The following IRS1 variants were observed in gnomAD, a reference collection of about 807,000 sequenced individuals.
IRS1 encodes insulin receptor substrate 1.
IRS1 carries 34 observed loss-of-function variants against 65.6 expected under a neutral mutation model. The observed-to-expected ratio is 0.52, with a 90% CI of 0.39 to 0.69. The LOEUF (loss-of-function observed/expected upper bound fraction) is 0.69, where lower values mean the gene tolerates loss of function less well. IRS1 is among the 30% of genes least tolerant of loss of function. The pLI is 0.00. For missense variants in IRS1, 1,641 were observed against 1,720.2 expected (o/e 0.95, Z 0.81); for synonymous variants, 699 against 683.5 (o/e 1.02, Z -0.35).
rs1360746754 is a variant in IRS1, at chr2:226,796,450, G to C, written c.2289C>G (p.Ser763=). Residue 763 remains serine, a synonymous_variant, in exon 1 of 2, where the codon TCC becomes TCG. Coordinates refer to ENST00000305123, the MANE Select transcript of IRS1 (RefSeq NM_005544.3). ...TAAAGGATCTTGGCAATGAGTAGTAGGAGAGGACTGGCTTGTGCTGGGGGT... is the reference window on the plus strand; with the variant it reads ...TAAAGGATCTTGGCAATGAGTAGTACGAGAGGACTGGCTTGTGCTGGGGGT... ...PEDPQHKPVL[S]YYSLPRSFKH... 2 of 1,613,838 alleles carry C rather than the reference G, an allele frequency of 1.2e-6. No homozygotes were observed. Among genetic ancestry groups the C allele is most frequent in the South Asian group, 2.2e-5 (2 of 91,090 alleles).
At chr2:226,759,317 G>A (rs185021493) in intron 1 of IRS1, among the ~76,000 whole-genome samples, 77 of 152,326 alleles carry the variant, frequency 5.1e-4, no homozygotes, top group Admixed American at 4.6e-3. Context: ...AATGTTTACA[G>A]AGGTTTGCAG....
chr2:226,742,987 CTTCTGTTATTTCCCA>C (rs937951175), intron 1 of IRS1, among the ~76,000 whole-genome samples: 4 of 152,162 alleles, frequency 2.6e-5, no homozygotes, highest in Admixed American at 2.6e-4. Context: ...AGAATATCCA[CTTCTGTTATTTCCCA>C]TTCTTTTTAT....
chr2:226,787,265 G>T (rs78087608), intron 1 of IRS1, among the ~76,000 whole-genome samples: 46 of 152,234 alleles, frequency 3.0e-4, no homozygotes, highest in African/African-American at 1.1e-3. Flanking sequence ...TTCCAAATGA[G>T]AGTTCCTTCC....
At chr2:226,743,730 T>C (rs1411688112) in intron 1 of IRS1, among the ~76,000 whole-genome samples, 2 of 152,220 alleles carry the variant, frequency 1.3e-5, no homozygotes, top group Admixed American at 1.3e-4. Flanking sequence ...TAATTTCACA[T>C]CACTTTTGGG....
chr2:226,795,487 A>C lies in IRS1; in HGVS notation c.3252T>G (p.Ser1084Arg). The change falls in exon 1 of 2, where the codon AGT becomes AGG. Residue 1084 changes from serine to arginine, a missense_variant. By Grantham distance (110) the Ser-to-Arg change is moderately radical. Coordinates refer to ENST00000305123, the MANE Select transcript of IRS1 (RefSeq NM_005544.3). ...RVNLSPNRNQ[S>R]AKVIRADPQG... ...GTGGGTCTGCACGGATCACTTTGGC[A>C]CTCTGGTTGCGGTTAGGACTGAGGT... The C allele has an allele frequency of 6.2e-7, 1 of 1,613,052 alleles. No individual in the cohort carries two copies. The highest frequency in any genetic ancestry group is 8.5e-7 in the Non-Finnish European group (1 of 1,179,896).
At position 226,731,417 on chromosome 2, in the gene IRS1, C is replaced by G. The variant is rs1938218922; in HGVS notation, c.*4855G>C. The G allele has an allele frequency of 6.6e-6, 1 of 151,954 alleles. No individual in the cohort carries two copies. Among genetic ancestry groups the G allele is most frequent in the Non-Finnish European group, 1.5e-5 (1 of 68,008 alleles). The allele number at this position is 151,954 out of a possible 1,614,324, so 9.4% of individuals were successfully genotyped here. Reference sequence around the variant, plus strand: ...TCCATGAATTCATTTAGACAGTTTTCTTTAATTGATGATGAAGACACTACA... The same window carrying G: ...TCCATGAATTCATTTAGACAGTTTTGTTTAATTGATGATGAAGACACTACA... On this transcript the variant is annotated 3_prime_UTR_variant, in exon 2 of 2. Coordinates refer to ENST00000305123, the MANE Select transcript of IRS1 (RefSeq NM_005544.3).
At position 226,733,730 on chromosome 2, in the gene IRS1, G is replaced by C. The variant is rs780461439; in HGVS notation, c.*2542C>G. 6.6e-6 allele frequency: 1 copy of C among 152,126 alleles called. No homozygotes were observed. Among genetic ancestry groups the C allele is most frequent in the Non-Finnish European group, 1.5e-5 (1 of 68,026 alleles). The allele number at this position is 152,126 out of a possible 1,614,324, so 9.4% of individuals were successfully genotyped here. A position where few individuals can be genotyped will look rare whatever the true frequency, so the allele number is the denominator to read the frequency against. ...TGAACACAAGGACTCAGCAGCTGAC[G>C]TTGCTCAAAGGAAACCCTTCGTGTC... On this transcript the variant is annotated 3_prime_UTR_variant, in exon 2 of 2. Transcript: ENST00000305123.
Position 226,795,180 on chromosome 2 carries a change from C to T in IRS1, c.3559G>A (p.Asp1187Asn). 1.2e-6 allele frequency: 2 copies of T among 1,613,882 alleles called. No individual in the cohort carries two copies. Among genetic ancestry groups the T allele is most frequent in the Non-Finnish European group, 1.7e-6 (2 of 1,180,000 alleles). The change falls in exon 1 of 2, where the codon GAC becomes AAC. Residue 1187 changes from aspartate to asparagine, a missense_variant. Physicochemically the swap from Asp to Asn is conservative, Grantham distance 23. This residue lies in a region of IRS1 where 1,324 missense variants were observed against 1,361.0 expected (regional missense o/e 0.97). Transcript: ENST00000305123. Reference sequence around the variant, plus strand: ...CACTCCTGAGGGCACTGTTTGAAGTCCTTGACCAAATCCAGGTCTATGTAG... The same window carrying T: ...CACTCCTGAGGGCACTGTTTGAAGTTCTTGACCAAATCCAGGTCTATGTAG... ...LNYIDLDLVK[D>N]FKQCPQECTP...
chr2:226,796,504 G>T lies in IRS1; in HGVS notation c.2235C>A (p.Ser745Arg). The change falls in exon 1 of 2, where the codon AGC (serine) becomes AGA (arginine). Residue 745 changes from serine (S) to arginine (R), a missense_variant. Coordinates refer to ENST00000305123, the MANE Select transcript of IRS1 (RefSeq NM_005544.3). ...CAGGGCCGTAGTAGCAGTCGGAGGG[G>T]CTGCTGGTGTTGGAGTCCCCCACTG... ...MSPVGDSNTS[S>R]PSDCYYGPED... 1 of 1,613,992 alleles carries T rather than the reference G, an allele frequency of 6.2e-7. No individual in the cohort carries two copies. The highest frequency in any genetic ancestry group is 8.5e-7 in the Non-Finnish European group (1 of 1,180,026).
intron 1 of IRS1, among the ~76,000 whole-genome samples, chr2:226,774,680 A>C (rs1262697408): frequency 6.6e-6 from 1 of 152,268 alleles, no homozygotes; most frequent in Admixed American, 6.5e-5. Flanking sequence ...AAACACATGT[A>C]GAGAAACATT....
At chr2:226,773,236 A>C (rs1371802359) in intron 1 of IRS1, among the ~76,000 whole-genome samples, 1 of 152,216 alleles carries the variant, frequency 6.6e-6, no homozygotes, top group East Asian at 1.9e-4. Flanking sequence ...TTAATATTTA[A>C]ACAATTAAAA....
At position 226,796,945 on chromosome 2, in the gene IRS1, G is replaced by A. The variant is rs1939741422; in HGVS notation, c.1794C>T (p.His598=). The part of the protein sequence containing the change: ...EMHPLERRGG[H]HRPDSSTLHT... ...GGAGGGTGGAGCTGTCTGGGCGGTG[G>A]TGCCCCCCCCGACGCTCCAAGGGGT... The change falls in exon 1 of 2, where the codon CAC becomes CAT. Residue 598 remains histidine, a synonymous_variant. Transcript: ENST00000305123. The A allele has an allele frequency of 1.3e-6, 2 of 1,558,618 alleles. No individual in the cohort carries two copies. Among genetic ancestry groups the A allele is most frequent in the Non-Finnish European group, 1.7e-6 (2 of 1,149,292 alleles).
intron 1 of IRS1, among the ~76,000 whole-genome samples, chr2:226,757,412 C>T (rs1378688194): frequency 2.6e-5 from 4 of 151,524 alleles, no homozygotes; most frequent in African/African-American, 4.9e-5. Context: ...GTGAGGGGTT[C>T]GAGACCAGCC....
chr2:226,741,002 A>T (rs551162515), intron 1 of IRS1, among the ~76,000 whole-genome samples: 852 of 151,006 alleles, frequency 5.6e-3, no homozygotes, highest in African/African-American at 0.017. Flanking sequence ...GTGCTTTTTA[A>T]AAAAAAAAGT....
At chr2:226,775,333 C>T (rs1353294445) in intron 1 of IRS1, among the ~76,000 whole-genome samples, 1 of 152,158 alleles carries the variant, frequency 6.6e-6, no homozygotes, top group Non-Finnish European at 1.5e-5. Context: ...CAATCCTGAA[C>T]TGCTATGTAT....
In IRS1 at chr2:226,797,646, G is replaced by T. The variant is rs1180851131; in HGVS notation, c.1093C>A (p.Leu365Met). Residue 365 changes from leucine (L) to methionine (M), a missense_variant, in exon 1 of 2, where the codon CTG (leucine) becomes ATG (methionine). Transcript: ENST00000305123. The surrounding 1 kb of genome is among the most constrained non-coding windows in gnomAD (Gnocchi z 8.1). ...HAHRHRGSARLHPPLNHSRSI... is the reference protein window; with the variant it reads ...HAHRHRGSARMHPPLNHSRSI... ...CGGCTGTGGTTGAGCGGGGGGTGCA[G>T]CCGGGCGCTGCCCCGATGCCGGTGG... The T allele has an allele frequency of 8.2e-6, 13 of 1,591,316 alleles. No homozygotes were observed. Among genetic ancestry groups the T allele is most frequent in the Non-Finnish European group, 1.1e-5 (13 of 1,175,170 alleles).
At chr2:226,768,782 G>GC (rs1401284733) in intron 1 of IRS1, among the ~76,000 whole-genome samples, 1 of 151,966 alleles carries the variant, frequency 6.6e-6, no homozygotes, top group African/African-American at 2.4e-5. Context: ...GACTATAGGC[G>GC]CCCCCCACCA....
At chr2:226,774,581 T>C (rs1202870879) in intron 1 of IRS1, among the ~76,000 whole-genome samples, 1 of 152,098 alleles carries the variant, frequency 6.6e-6, no homozygotes, top group Non-Finnish European at 1.5e-5. Flanking sequence ...ACAAAATTAA[T>C]TGAAGATTTT....
In IRS1 at chr2:226,797,878, G is replaced by T. The variant is rs776664003; in HGVS notation, c.861C>A (p.His287Gln). 6.2e-7 allele frequency: 1 copy of T among 1,608,848 alleles called. No homozygotes were observed. Among genetic ancestry groups the T allele is most frequent in the Non-Finnish European group, 8.5e-7 (1 of 1,177,870 alleles). ...SNPISVPLRR[H>Q]HLNNPPPSQV... ...GGCTGGGCGGGGGATTGTTGAGATG[G>T]TGCCGGCGCAGGGGGACGCTGATGG... The change falls in exon 1 of 2, where the codon CAC becomes CAA. Residue 287 changes from histidine (H) to glutamine (Q), a missense_variant. Around this residue, in one of 3 missense-constraint regions of IRS1, gnomAD observed 1,324 missense variants for 1,361.0 expected, o/e 0.97. Transcript: ENST00000305123. This position sits in a 1 kb window ranked among gnomAD's most constrained non-coding sequence, Gnocchi z 8.1.
Sources: allele counts gnomAD v4.1 joint callset (sites outside exome capture counted in the v4.1 genomes callset), GRCh38; gene constraint gnomAD v4.1.1; regional missense constraint gnomAD v4.1.1; non-coding constraint Gnocchi (gnomAD v3.1); transcripts MANE v1.5; gene names NCBI Gene and HGNC (gene_info 2026-07-23, HGNC 2026-07-21).